The following RAB38 variants were observed in gnomAD, a reference collection of about 807,000 sequenced individuals.
The protein encoded by RAB38 is RAB38, member RAS oncogene family.
In RAB38, 15 loss-of-function variants were observed where a neutral mutation model predicts 18.4. The ratio of observed to expected loss-of-function variants is 0.82; its 90% CI spans 0.55 to 1.26. The LOEUF (loss-of-function observed/expected upper bound fraction) is 1.26. Among genes scored for constraint, RAB38 ranks in the 50% most tolerant of loss-of-function variants. The pLI, the probability that RAB38 is intolerant of heterozygous loss-of-function variation, is 0.00. For synonymous variants in RAB38, 101 were observed against 104.4 expected (o/e 0.97, Z 0.20); for missense variants, 294 against 267.4 (o/e 1.10, Z -0.69).
At chr11:87,812,467 C>T in the RAB38 span, among the ~76,000 whole-genome samples, 2 of 151,900 alleles carry the variant, frequency 1.3e-5, no homozygotes, top group African/African-American at 2.4e-5. Context: ...GACATGTAGT[C>T]GTATGTTTTG....
chr11:87,977,903 A>C, the RAB38 span, among the ~76,000 whole-genome samples: 2 of 112,256 alleles, frequency 1.8e-5, no homozygotes, highest in South Asian at 2.7e-4. Context: ...ATTTACATAT[A>C]ATTATATACA....
intron 2 of RAB38, among the ~76,000 whole-genome samples, chr11:88,116,891 T>A (rs1057479965): frequency 6.6e-6 from 1 of 152,182 alleles, no homozygotes; most frequent in Non-Finnish European, 1.5e-5. Flanking sequence ...AATCTACTAA[T>A]GAGGAGAATT....
At chr11:88,109,996 G>T (rs1180793816), downstream of RAB38, among the ~76,000 whole-genome samples, 1 of 152,180 alleles carries the variant, frequency 6.6e-6, no homozygotes, top group African/African-American at 2.4e-5. Flanking sequence ...AATACCATTT[G>T]ACCCAGCAAT....
intron 2 of RAB38, among the ~76,000 whole-genome samples, chr11:88,140,092 T>C (rs983662059): frequency 3.3e-5 from 5 of 152,240 alleles, no homozygotes; most frequent in African/African-American, 9.6e-5. Context: ...CAGATTCTTA[T>C]GGAATGTTAT....
the RAB38 span, among the ~76,000 whole-genome samples, chr11:87,937,233 A>G: frequency 6.8e-6 from 1 of 147,582 alleles, no homozygotes; most frequent in African/African-American, 2.5e-5. Flanking sequence ...TCTTTAGCTT[A>G]TTAATATGGT....
At chr11:87,942,361 A>G in the RAB38 span, among the ~76,000 whole-genome samples, 1 of 152,150 alleles carries the variant, frequency 6.6e-6, no homozygotes, top group Non-Finnish European at 1.5e-5. Context: ...AAAATTTTTC[A>G]TTGTAAACCT....
chr11:88,156,640 T>C (rs1477365331), intron 1 of RAB38, among the ~76,000 whole-genome samples: 1 of 152,082 alleles, frequency 6.6e-6, no homozygotes, highest in East Asian at 1.9e-4. Context: ...AGGTGGAGGT[T>C]GCAGTGAGCC....
the RAB38 span, among the ~76,000 whole-genome samples, chr11:88,036,447 C>G: frequency 6.6e-6 from 1 of 152,246 alleles, no homozygotes; most frequent in East Asian, 1.9e-4. Context: ...TAGCATTTGT[C>G]CTTGCCTTTT....
the RAB38 span, among the ~76,000 whole-genome samples, chr11:87,855,456 G>A: frequency 6.6e-6 from 1 of 152,124 alleles, no homozygotes; most frequent in African/African-American, 2.4e-5. Flanking sequence ...AAGAATTATG[G>A]ACAGTTGCAG....
the RAB38 span, among the ~76,000 whole-genome samples, chr11:88,032,948 T>C: frequency 2.6e-5 from 4 of 152,338 alleles, no homozygotes; most frequent in African/African-American, 9.6e-5. Flanking sequence ...TGTGGCATTA[T>C]TCACAATAGC....
At chr11:87,806,188 A>T in the RAB38 span, among the ~76,000 whole-genome samples, 11 of 152,124 alleles carry the variant, frequency 7.2e-5, no homozygotes, top group Non-Finnish European at 1.3e-4. Flanking sequence ...AAAGATAGAG[A>T]CTTCATGATA....
the RAB38 span, among the ~76,000 whole-genome samples, chr11:87,953,924 T>TTTGAA: frequency 6.6e-6 from 1 of 152,296 alleles, no homozygotes; most frequent in Non-Finnish European, 1.5e-5. Context: ...TTTATTTATT[T>TTTGAA]TTGAATTTCC....
the RAB38 span, among the ~76,000 whole-genome samples, chr11:88,025,692 G>A: frequency 6.6e-6 from 1 of 152,016 alleles, no homozygotes; most frequent in African/African-American, 2.4e-5. Flanking sequence ...AAAGTGTTCA[G>A]TCTTCTGCCC....
chr11:87,860,122 A>AG, the RAB38 span, among the ~76,000 whole-genome samples: 7 of 151,996 alleles, frequency 4.6e-5, 1 homozygote. Flanking sequence ...TTACTAAAAA[A>AG]TAGATGCTTG....
chr11:87,937,987 C>G, the RAB38 span, among the ~76,000 whole-genome samples: 10 of 148,376 alleles, frequency 6.7e-5, no homozygotes, highest in Admixed American at 3.4e-4. Flanking sequence ...ACTTTCAGAT[C>G]TTTCTGGCTT....
At chr11:88,033,159 T>A in the RAB38 span, among the ~76,000 whole-genome samples, 1 of 151,276 alleles carries the variant, frequency 6.6e-6, no homozygotes, top group East Asian at 1.9e-4. Context: ...TTCTCACTCA[T>A]AGGTGGGAAC....
At chr11:87,911,590 T>C in the RAB38 span, among the ~76,000 whole-genome samples, 5 of 152,204 alleles carry the variant, frequency 3.3e-5, no homozygotes, top group African/African-American at 1.2e-4. Flanking sequence ...ACATGATTGA[T>C]TTTTATACAT....
the RAB38 span, among the ~76,000 whole-genome samples, chr11:87,892,291 C>A: frequency 6.6e-6 from 1 of 151,810 alleles, no homozygotes; most frequent in Non-Finnish European, 1.5e-5. Context: ...TATTTACTCC[C>A]CAAACACATC....
the RAB38 span, among the ~76,000 whole-genome samples, chr11:88,055,771 T>C: frequency 1.3e-5 from 2 of 152,022 alleles, no homozygotes; most frequent in Non-Finnish European, 2.9e-5. Flanking sequence ...AAACGAAAGA[T>C]GAACAAGGCA....
Sources: allele counts gnomAD v4.1 joint callset (sites outside exome capture counted in the v4.1 genomes callset), GRCh38; gene constraint gnomAD v4.1.1; transcripts MANE v1.5; gene names NCBI Gene and HGNC (gene_info 2026-07-23, HGNC 2026-07-21).